Variants in ATXN10 observed in about 807,000 individuals in gnomAD.
ATXN10 encodes the protein ataxin 10, also known as ataxin-10.
A neutral mutation model predicts 52.9 loss-of-function variants in ATXN10; 28 were observed. The ratio of observed to expected loss-of-function variants is 0.53; its 90% confidence interval spans 0.39 to 0.73. The LOEUF is 0.73. Among genes scored for constraint, ATXN10 ranks in the 30% least tolerant of loss-of-function variants. ATXN10 has a pLI of 0.00. For synonymous variants in ATXN10, 226 were observed against 221.5 expected (o/e 1.02, Z -0.18); for missense variants, 565 against 577.0 (o/e 0.98, Z 0.21).
rs1441368577 is a variant in ATXN10, at chr22:45,689,768, C to T, written c.173C>T (p.Ser58Phe). 2 of 1,614,186 alleles carry T rather than the reference C, an allele frequency of 1.2e-6. No homozygotes were observed. The highest frequency in any genetic ancestry group is 2.2e-5 in the South Asian group (2 of 91,078). Reference protein sequence around the residue: ...QRVLDILKKSSHAVELACRDP... With the variant: ...QRVLDILKKSFHAVELACRDP... ...GTTCTGGATATCCTAAAGAAATCTT[C>T]TCATGCTGTTGAGCTTGCCTGCAGA... The change falls in exon 2 of 12, where the codon TCT becomes TTT. Residue 58 changes from serine to phenylalanine, a missense_variant. Physicochemically the swap from Ser to Phe is radical, Grantham distance 155. Transcript: ENST00000252934.
intron 9 of ATXN10, 67 bp from the exon 10 acceptor site, chr22:45,806,892 G>A: frequency 8.2e-7 from 1 of 1,223,752 alleles, no homozygotes; most frequent in Non-Finnish European, 1.2e-6. Context: ...AAAGGAACAA[G>A]TCATCTGTAA....
chr22:45,843,310 G>C lies in ATXN10; in HGVS notation c.1425+132G>C, dbSNP rs773300081. On this transcript the variant is annotated intron_variant, in intron 11 of 11. Transcript: ENST00000252934. This position sits in a 1 kb window ranked among gnomAD's most constrained non-coding sequence, Gnocchi z 4.5. ...ATTGTGCCCTCTATAGTGGTTTACC[G>C]AGGAAAGCCCTAAAGATAGCTGCAA... The C allele has an allele frequency of 4.7e-6, 5 of 1,060,100 alleles. No individual in the cohort carries two copies. The highest frequency in any genetic ancestry group is 5.6e-6 in the Non-Finnish European group (4 of 710,978). 65.7% of individuals were successfully genotyped at this position (1,060,100 alleles called of 1,614,324 possible).
chr22:45,738,808 G>C lies in ATXN10; in HGVS notation c.972G>C (p.Gln324His), dbSNP rs1925400616. 6.2e-7 allele frequency: 1 copy of C among 1,614,136 alleles called. No individual in the cohort carries two copies. Among genetic ancestry groups the C allele is most frequent in the Non-Finnish European group, 8.5e-7 (1 of 1,179,988 alleles). Residue 324 changes from glutamine (Q) to histidine (H), a missense_variant, in exon 8 of 12, where the codon CAG (glutamine) becomes CAC (histidine). Gln to His is a conservative substitution (Grantham distance 24). Transcript: ENST00000252934. ...ATACTGAGCTGCTCGGCTATCTGCA[G>C]GTTTTCCCTGGCTTGCTGGAAAGAG... ...TVNTELLGYLQVFPGLLERVI... is the reference protein window; with the variant it reads ...TVNTELLGYLHVFPGLLERVI...
rs934843577 is a variant in ATXN10, at chr22:45,762,245, C to T, written c.1173+21707C>T. Among the ~76,000 whole-genome samples the T allele has an allele frequency of 6.6e-6, 1 of 152,194 alleles. No individual in the cohort carries two copies. The highest frequency in any genetic ancestry group is 2.4e-5 in the African/African-American group (1 of 41,460). On this transcript the variant is annotated intron_variant, in intron 9 of 11. Coordinates refer to ENST00000252934, the MANE Select transcript of ATXN10 (RefSeq NM_013236.4). The surrounding 1 kb of genome is among the most constrained non-coding windows in gnomAD (Gnocchi z 4.3). ...CCCTTTGTCTGTTTCCCCTGACCAG[C>T]GTGCGTTTCTTTCTGGAGGCGCAGG... is the stretch of plus-strand genomic sequence containing the variant.
At chr22:45,806,893 T>C in intron 9 of ATXN10, 66 bp from the exon 10 acceptor site, 1 of 1,222,446 alleles carries the variant, frequency 8.2e-7, no homozygotes, top group South Asian at 1.2e-5. Context: ...AAGGAACAAG[T>C]CATCTGTAAT....
chr22:45,792,916 AG>A, intron 9 of ATXN10: 1 of 436,546 alleles, frequency 2.3e-6, no homozygotes, highest in South Asian at 2.0e-5. Context: ...ATACCTACAT[AG>A]GGAGCCACAT....
chr22:45,692,911 G>T lies in ATXN10; in HGVS notation c.309-85G>T, dbSNP rs1923439696. The stretch of plus-strand genomic sequence containing the variant: ...TTTGTAATCTCTGTCAGATTTCTCA[G>T]CTCTCCCATTGTAGTGCAAAAACAG... On this transcript the variant is annotated intron_variant, in intron 2 of 11. Transcript: ENST00000252934. 2.7e-5 allele frequency: 29 copies of T among 1,084,098 alleles called. No individual in the cohort carries two copies. In the South Asian group the frequency reaches 3.7e-4, roughly 14 times the overall value. The allele number at this position is 1,084,098 out of a possible 1,614,324, so 67.2% of individuals were successfully genotyped here.
rs145266797 is a variant in ATXN10, at chr22:45,768,444, A to C, written c.1173+27906A>C. 5.8e-3 allele frequency among the ~76,000 whole-genome samples: 881 copies of C among 152,322 alleles called. 14 individuals are homozygous for C. The highest frequency in any genetic ancestry group is 0.02 in the African/African-American group (850 of 41,568). ...AAAACACAACTGGTTTGTGTAAAAA[A>C]CACAAAAATCCCATAGTTCGTAATG... On this transcript the variant is annotated intron_variant, in intron 9 of 11. Coordinates refer to ENST00000252934, the MANE Select transcript of ATXN10 (RefSeq NM_013236.4).
At position 45,727,050 on chromosome 22, in the gene ATXN10, T is replaced by C. The variant is rs1008907738; in HGVS notation, c.729-2375T>C. 9.8e-5 allele frequency among the ~76,000 whole-genome samples: 15 copies of C among 152,300 alleles called. No homozygotes were observed. The East Asian group carries it at 2.1e-3, about 22-fold the overall frequency. ...TGTCAACTTGTGGTCTTTCAGACTT[T>C]TCGATGTAGGCATTTAGCACTGTAA... On this transcript the variant is annotated intron_variant, in intron 6 of 11. Transcript: ENST00000252934. This position sits in a 1 kb window ranked among gnomAD's most constrained non-coding sequence, Gnocchi z 4.6.
Position 45,700,142 on chromosome 22 carries a change from C to T in ATXN10, c.392-140C>T, listed in dbSNP as rs540649373. ...ATATTCATGTTATTCCCAAAGTGAA[C>T]TTGTGGAGACAGACTTTAATTTTTA... On this transcript the variant is annotated intron_variant, in intron 3 of 11. Coordinates refer to ENST00000252934, the MANE Select transcript of ATXN10 (RefSeq NM_013236.4). 3.4e-4 allele frequency: 224 copies of T among 659,174 alleles called. 1 individual carries two copies. The African/African-American group carries it at 3.5e-3, about 10-fold the overall frequency. The allele number at this position is 659,174 out of a possible 1,614,324, so 40.8% of individuals were successfully genotyped here.
intron 9 of ATXN10, among the ~76,000 whole-genome samples, chr22:45,749,023 CATT>C (rs1383765728): frequency 6.6e-6 from 1 of 152,098 alleles, no homozygotes; most frequent in African/African-American, 2.4e-5. Context: ...AAATGCATAA[CATT>C]ATTTAAAAAG....
rs1436177889 is a variant in ATXN10 at position 45,826,455 on chromosome 22, C to T, written c.1238-16536C>T. Among the ~76,000 whole-genome samples, 5 of 152,126 alleles carry T rather than the reference C, an allele frequency of 3.3e-5. No individual in the cohort carries two copies. The highest frequency in any genetic ancestry group is 5.9e-5 in the Non-Finnish European group (4 of 68,040). ...ATATACAACCAGGAAACTCGGTGAGCTCCAAGTTAAGATGAACTCAAGGAG... is the reference window on the plus strand; with the variant it reads ...ATATACAACCAGGAAACTCGGTGAGTTCCAAGTTAAGATGAACTCAAGGAG... On this transcript the variant is annotated intron_variant, in intron 10 of 11. Coordinates refer to ENST00000252934, the MANE Select transcript of ATXN10 (RefSeq NM_013236.4). This position sits in a 1 kb window ranked among gnomAD's most constrained non-coding sequence, Gnocchi z 5.0.
At chr22:45,740,294 C>G in intron 8 of ATXN10, 75 bp from the exon 9 acceptor site, 1 of 1,414,260 alleles carries the variant, frequency 7.1e-7, no homozygotes, top group African/African-American at 1.4e-5. Context: ...TTAGATTTGT[C>G]TATGGAAAAC....
intron 1 of ATXN10, chr22:45,674,122 CAGG>C (rs1485940278): frequency 6.6e-6 from 1 of 152,214 alleles, no homozygotes; most frequent in Non-Finnish European, 1.5e-5. Context: ...AAGCTAGAGA[CAGG>C]GGGGACCTTT....
intron 9 of ATXN10, among the ~76,000 whole-genome samples, chr22:45,749,730 A>G (rs1182030990): frequency 1.3e-5 from 2 of 151,666 alleles, no homozygotes; most frequent in Admixed American, 6.6e-5. Context: ...CCCGACTACT[A>G]AAAATTTTTT....
chr22:45,755,424 G>A (rs1240225464), intron 9 of ATXN10, among the ~76,000 whole-genome samples: 1 of 152,186 alleles, frequency 6.6e-6, no homozygotes, highest in African/African-American at 2.4e-5. Context: ...AAGAGACCAA[G>A]GAGGAGCAAG....
chr22:45,730,253 A>AGGGTCACTTG (rs1205119747), intron 7 of ATXN10, among the ~76,000 whole-genome samples: 1 of 145,626 alleles, frequency 6.9e-6, no homozygotes, highest in African/African-American at 2.5e-5. Flanking sequence ...CTGAGGTGGG[A>AGGGTCACTTG]GGGTCACTTG....
In ATXN10 at chr22:45,677,274, G is replaced by C. The variant is rs1922734652; in HGVS notation, c.116+5095G>C. 6.6e-6 allele frequency: 1 copy of C among 152,134 alleles called. No individual in the cohort carries two copies. Among genetic ancestry groups the C allele is most frequent in the Non-Finnish European group, 1.5e-5 (1 of 68,026 alleles). 9.4% of individuals were successfully genotyped at this position (152,134 alleles called of 1,614,324 possible). Reference sequence around the variant, plus strand: ...GGCACATCACATTCACTGTATGCCTGGCATCTAGCATAGAGTTGATAGTGG... The same window carrying C: ...GGCACATCACATTCACTGTATGCCTCGCATCTAGCATAGAGTTGATAGTGG... On this transcript the variant is annotated intron_variant, in intron 1 of 11. Coordinates refer to ENST00000252934, the MANE Select transcript of ATXN10 (RefSeq NM_013236.4). The surrounding 1 kb of genome is among the most constrained non-coding windows in gnomAD (Gnocchi z 4.1).
intron 5 of ATXN10, among the ~76,000 whole-genome samples, chr22:45,716,071 G>T (rs1056483531): frequency 1.3e-5 from 2 of 152,094 alleles, no homozygotes; most frequent in Non-Finnish European, 2.9e-5. Context: ...ACCAGCCAGA[G>T]CAACATAGTA....
Sources: gnomAD v4.1 joint callset for allele counts (sites outside exome capture counted in the v4.1 genomes callset) on GRCh38, gnomAD v4.1.1 for gene constraint, Gnocchi (gnomAD v3.1) non-coding constraint, MANE v1.5 for transcripts, NCBI Gene and HGNC (gene_info 2026-07-23, HGNC 2026-07-21) for gene names.